Variants in TPM4 observed in about 807,000 individuals in gnomAD.
The protein encoded by TPM4 is tropomyosin 4.
A neutral mutation model predicts 35.8 loss-of-function variants in TPM4; 17 were observed. That is an observed-to-expected ratio of 0.47 (90% confidence interval 0.32 to 0.71). The LOEUF (loss-of-function observed/expected upper bound fraction) is 0.71. TPM4 is among the 30% of genes least tolerant of loss of function. TPM4 has a pLI of 0.03. For synonymous variants in TPM4, 120 were observed against 122.9 expected (o/e 0.98, Z 0.15); for missense variants, 240 against 320.9 (o/e 0.75, Z 1.93).
At chr19:16,095,698 A>G (rs1253325798) in intron 7 of TPM4, 3 of 614,490 alleles carry the variant, frequency 4.9e-6, no homozygotes, top group Admixed American at 1.2e-4. Context: ...CAAACTGGGC[A>G]TGTGCTCTCA....
At chr19:16,095,042 C>A (rs1185401513) in intron 7 of TPM4, among the ~76,000 whole-genome samples, 1 of 152,174 alleles carries the variant, frequency 6.6e-6, no homozygotes, top group African/African-American at 2.4e-5. Flanking sequence ...TTCATTGTGG[C>A]TAATCCCCCT....
In TPM4 at chr19:16,101,371, A is replaced by G. The variant is rs1476055296; in HGVS notation, c.*25A>G. On this transcript the variant is annotated 3_prime_UTR_variant, in exon 8 of 8. Transcript: ENST00000643579. The stretch of plus-strand genomic sequence containing the variant: ...AGCAAAACAGAAGAGTCTTGTTCCA[A>G]CAGAAACTCTGGAGCTCCGTGGGTC... 37 of 1,544,114 alleles carry G rather than the reference A, an allele frequency of 2.4e-5. No individual in the cohort carries two copies. Among genetic ancestry groups the G allele is most frequent in the Middle Eastern group, 2.0e-4 (1 of 4,894 alleles).
chr19:16,096,321 C>G (rs1210187195), intron 7 of TPM4, among the ~76,000 whole-genome samples: 1 of 152,222 alleles, frequency 6.6e-6, no homozygotes, highest in Non-Finnish European at 1.5e-5. Context: ...CCACCTCACC[C>G]TCCCAGGGTG....
At chr19:16,093,271 C>T (rs1447083863) in intron 5 of TPM4, 2 of 447,984 alleles carry the variant, frequency 4.5e-6, no homozygotes, top group Non-Finnish European at 8.2e-6. Flanking sequence ...TCTCGGCTCA[C>T]TGCAACCTCC....
upstream of TPM4, chr19:16,075,970 T>G: frequency 6.5e-7 from 1 of 1,528,528 alleles, no homozygotes; most frequent in Admixed American, 2.3e-5. Context: ...TTGTGAATAT[T>G]GGGGGGGACC....
At chr19:16,068,160 G>A (rs2090317038) in intron 2 of TPM4, among the ~76,000 whole-genome samples, 1 of 129,936 alleles carries the variant, frequency 7.7e-6, no homozygotes, top group African/African-American at 3.2e-5. Flanking sequence ...GTGTGTGTGT[G>A]CATGTGTGCG....
At position 16,076,518 on chromosome 19, in the gene TPM4, C is replaced by T. The variant is rs924567147; in HGVS notation, c.-48C>T. 2 of 1,392,738 alleles carry T rather than the reference C, an allele frequency of 1.4e-6. No individual in the cohort carries two copies. Among genetic ancestry groups the T allele is most frequent in the Non-Finnish European group, 9.3e-7 (1 of 1,077,894 alleles). 86.3% of individuals were successfully genotyped at this position (1,392,738 alleles called of 1,614,324 possible). A position where few individuals can be genotyped will look rare whatever the true frequency, so the allele number is the denominator to read the frequency against. ...CTGTGCAGCTCTCGCCGGAGCCGAG[C>T]CCAGCCGAGCGTCCGCCGCTGCCCG... On this transcript the variant is annotated 5_prime_UTR_variant, in exon 1 of 8. Coordinates refer to ENST00000643579, the MANE Select transcript of TPM4 (RefSeq NM_003290.3).
rs973927676 is a variant in TPM4, at chr19:16,078,850, C to A, written c.132+2153C>A. On this transcript the variant is annotated intron_variant, in intron 1 of 7. Coordinates refer to ENST00000643579, the MANE Select transcript of TPM4 (RefSeq NM_003290.3). ...TGGGTTAAAAAAAAAAAAAAAAAAA[C>A]CTTTCACTCTTGTAGAATAAGCCAG... Among the ~76,000 whole-genome samples, 6 of 96,470 alleles carry A rather than the reference C, an allele frequency of 6.2e-5. No homozygotes were observed. The East Asian group carries it at 2.0e-3, about 32-fold the overall frequency. The allele number at this position is 96,470 out of a possible 152,430, so 63.3% of individuals were successfully genotyped here.
intron 1 of TPM4, chr19:16,078,266 T>C: frequency 2.5e-6 from 1 of 396,120 alleles, no homozygotes; most frequent in Non-Finnish European, 4.5e-6. Context: ...GAGACATGGG[T>C]GTGCACAGAC....
intron 7 of TPM4, among the ~76,000 whole-genome samples, chr19:16,097,928 C>T (rs1177689330): frequency 6.6e-6 from 1 of 152,284 alleles, no homozygotes; most frequent in African/African-American, 2.4e-5. Context: ...TCCTAACTGC[C>T]GTCCATCCTG....
chr19:16,068,171 T>C (rs1195198126), intron 2 of TPM4, among the ~76,000 whole-genome samples: 1 of 30,372 alleles, frequency 3.3e-5, no homozygotes, highest in East Asian at 3.1e-4. Flanking sequence ...CATGTGTGCG[T>C]GTGTGTGTGT....
chr19:16,073,828 G>A (rs73515765), upstream of TPM4, among the ~76,000 whole-genome samples: 2,751 of 151,038 alleles, frequency 0.018, 100 homozygotes, highest in African/African-American at 0.064. Flanking sequence ...ACACTTTCCA[G>A]CTACTCAGGA....
chr19:16,087,921 CTGG>C, intron 3 of TPM4, 103 bp from the exon 4 acceptor site: 1 of 1,178,816 alleles, frequency 8.5e-7, no homozygotes, highest in South Asian at 1.3e-5. Flanking sequence ...CATGTTGCAG[CTGG>C]TCTAGGGGTC....
At chr19:16,075,928 G>T, upstream of TPM4, 1 of 1,403,376 alleles carries the variant, frequency 7.1e-7, no homozygotes, top group Non-Finnish European at 9.5e-7. Flanking sequence ...TACAGATAAG[G>T]AAACTGATGC....
In TPM4 at chr19:16,102,535, C is replaced by T. The variant is rs1175070349; in HGVS notation, c.*1189C>T. On this transcript the variant is annotated 3_prime_UTR_variant, in exon 8 of 8. Transcript: ENST00000643579. ...CCTCTCTGGCAGCAGAGATTAAAAA[C>T]TGGCCCAACTTCATTTCCATACTTC... 4.4e-6 allele frequency: 1 copy of T among 226,218 alleles called. No individual in the cohort carries two copies. The highest frequency in any genetic ancestry group is 2.2e-5 in the African/African-American group (1 of 44,904). 14.0% of individuals were successfully genotyped at this position (226,218 alleles called of 1,614,324 possible).
intron 1 of TPM4, chr19:16,080,281 T>C (rs892882604): frequency 1.4e-5 from 3 of 207,278 alleles, no homozygotes; most frequent in African/African-American, 6.8e-5. Context: ...CTTCCCCCAG[T>C]GGGGCCCCTC....
chr19:16,088,295 C>A, intron 4 of TPM4, 198 bp downstream of exon 4: 2 of 1,403,018 alleles, frequency 1.4e-6, no homozygotes, highest in Non-Finnish European at 1.9e-6. Flanking sequence ...GGAAGCACTG[C>A]CCACGTGTTG....
At chr19:16,077,721 C>T (rs995781104) in intron 1 of TPM4, among the ~76,000 whole-genome samples, 1 of 151,986 alleles carries the variant, frequency 6.6e-6, no homozygotes, top group Non-Finnish European at 1.5e-5. Flanking sequence ...AAATCTCAGG[C>T]GTGGAGCCTG....
intron 1 of TPM4, among the ~76,000 whole-genome samples, chr19:16,078,853 T>C (rs2090446119): frequency 1.7e-5 from 2 of 120,146 alleles, no homozygotes; most frequent in Admixed American, 1.7e-4. Context: ...AAAAAAACCT[T>C]TCACTCTTGT....
Sources: gnomAD v4.1 joint callset for allele counts (sites outside exome capture counted in the v4.1 genomes callset) on GRCh38, gnomAD v4.1.1 for gene constraint, MANE v1.5 for transcripts, NCBI Gene and HGNC (gene_info 2026-07-23, HGNC 2026-07-21) for gene names.